Variants in ABCA9 observed in about 807,000 individuals in gnomAD.
The protein encoded by ABCA9 is ATP binding cassette subfamily A member 9, also known as ATP-binding cassette sub-family A member 9.
A neutral mutation model predicts 205.3 loss-of-function variants in ABCA9; 183 were observed. The observed-to-expected ratio is 0.89, with a 90% CI of 0.79 to 1.01. The LOEUF is 1.01. Ranked by LOEUF, ABCA9 falls within the 50% of genes least tolerant of loss-of-function variation. ABCA9 has a pLI of 0.00. For synonymous variants in ABCA9, 651 were observed against 683.3 expected (o/e 0.95, Z 0.74); for missense variants, 1,805 against 1,912.4 (o/e 0.94, Z 1.05).
At chr17:69,070,304 G>C in the ABCA9 span, among the ~76,000 whole-genome samples, 1 of 152,144 alleles carries the variant, frequency 6.6e-6, no homozygotes, top group Non-Finnish European at 1.5e-5. Flanking sequence ...TCCCGGGCAA[G>C]ATGGCCAAAA....
chr17:69,032,291 G>A lies in ABCA9; in HGVS notation c.1277-15C>T, dbSNP rs1291919767. 1.2e-6 allele frequency: 2 copies of A among 1,609,814 alleles called. No homozygotes were observed. The highest frequency in any genetic ancestry group is 2.2e-5 in the East Asian group (1 of 44,832). ...TCCATATTCAGCTATGTGAGCAGGA[G>A]GCAATTGAATACTGGGTCAGTCATC... is the stretch of plus-strand genomic sequence containing the variant. On this transcript the variant is annotated splice_polypyrimidine_tract_variant and intron_variant, in intron 9 of 38. Transcript: ENST00000340001.
At position 69,048,275 on chromosome 17, in the gene ABCA9, C is replaced by T. The variant is rs149671215; in HGVS notation, c.304+1008G>A. Among the ~76,000 whole-genome samples, 538 of 152,282 alleles carry T rather than the reference C, an allele frequency of 3.5e-3. 3 individuals carry two copies. Among genetic ancestry groups the T allele is most frequent in the African/African-American group, 0.011 (471 of 41,566 alleles). On this transcript the variant is annotated intron_variant, in intron 3 of 38. Transcript: ENST00000340001. Reference sequence around the variant, plus strand: ...ATGAGGTCAGGTGTGGAATATTCCACTTATGCATCATGTCAGGCTCAAAAG... The same window carrying T: ...ATGAGGTCAGGTGTGGAATATTCCATTTATGCATCATGTCAGGCTCAAAAG...
At chr17:69,004,492 G>C (rs1253044779) in intron 25 of ABCA9, among the ~76,000 whole-genome samples, 4 of 152,216 alleles carry the variant, frequency 2.6e-5, no homozygotes, top group Non-Finnish European at 5.9e-5. Flanking sequence ...GCTGCGTACT[G>C]GGAGAACCAC....
intron 10 of ABCA9, among the ~76,000 whole-genome samples, chr17:69,029,561 C>T (rs920934005): frequency 1.4e-4 from 21 of 152,148 alleles, no homozygotes; most frequent in Middle Eastern, 3.4e-3. Context: ...TGAGGAGATA[C>T]TATGGTGGAA....
the ABCA9 span, among the ~76,000 whole-genome samples, chr17:69,069,241 G>GAGTGATT: frequency 6.6e-6 from 1 of 152,180 alleles, no homozygotes; most frequent in African/African-American, 2.4e-5. Flanking sequence ...GAGAATCACA[G>GAGTGATT]CCAAGATCAG....
chr17:69,054,339 T>G (rs1011427097), intron 1 of ABCA9, among the ~76,000 whole-genome samples: 2 of 151,718 alleles, frequency 1.3e-5, no homozygotes, highest in Admixed American at 1.3e-4. Flanking sequence ...CTGGGCAACA[T>G]AGGGAGACCC....
chr17:69,016,125 C>CACACAT (rs1394892291), intron 22 of ABCA9, 128 bp downstream of exon 22: 2 of 64,552 alleles, frequency 3.1e-5, no homozygotes, highest in African/African-American at 6.5e-5. Flanking sequence ...TATATATATA[C>CACACAT]ACACACACAC....
Position 68,989,046 on chromosome 17 carries a change from G to C in ABCA9, c.4028C>G (p.Thr1343Arg). ...ACTGACCTGTCCTGCAGTTGGTTTT[G>C]TGTCTCCAGTTATCATCTTAATAGT... ...STTIKMITGDTKPTAGQVILK... is the reference protein window; with the variant it reads ...STTIKMITGDRKPTAGQVILK... The change falls in exon 31 of 39, where the codon ACA (threonine) becomes AGA (arginine). Residue 1343 changes from threonine to arginine, a missense_variant. By Grantham distance (71) the Thr-to-Arg change is moderately conservative. Transcript: ENST00000340001. 1 of 1,612,232 alleles carries C rather than the reference G, an allele frequency of 6.2e-7. No homozygotes were observed.
chr17:69,055,321 C>T (rs1448213555), intron 1 of ABCA9, among the ~76,000 whole-genome samples: 1 of 152,080 alleles, frequency 6.6e-6, no homozygotes, highest in African/African-American at 2.4e-5. Context: ...ATGGACCATG[C>T]TAACAATAAT....
chr17:69,072,768 C>T, the ABCA9 span, among the ~76,000 whole-genome samples: 1 of 152,070 alleles, frequency 6.6e-6, no homozygotes, highest in Non-Finnish European at 1.5e-5. Context: ...TAAATGTAAA[C>T]AGGCTAAATG....
intron 1 of ABCA9, among the ~76,000 whole-genome samples, chr17:69,054,443 A>T (rs1031039469): frequency 1.3e-5 from 2 of 151,442 alleles, no homozygotes; most frequent in African/African-American, 2.4e-5. Flanking sequence ...AGAAAGGATC[A>T]CTTGGGCCTG....
chr17:69,057,236 C>T (rs1187909088), intron 1 of ABCA9, among the ~76,000 whole-genome samples: 4 of 152,150 alleles, frequency 2.6e-5, no homozygotes, highest in African/African-American at 7.2e-5. Context: ...ATAAAATTGT[C>T]CTTGAAGGTA....
intron 6 of ABCA9, among the ~76,000 whole-genome samples, chr17:69,038,469 CAT>C (rs2071419100): frequency 6.6e-6 from 1 of 152,120 alleles, no homozygotes; most frequent in African/African-American, 2.4e-5. Flanking sequence ...ACAAAAACCA[CAT>C]GATTATCTCA....
At chr17:68,979,992 C>G (rs1228120332) in intron 37 of ABCA9, among the ~76,000 whole-genome samples, 1 of 152,132 alleles carries the variant, frequency 6.6e-6, no homozygotes, top group Non-Finnish European at 1.5e-5. Flanking sequence ...TCAGAGTGAA[C>G]AGGCAACCTA....
At chr17:69,028,175 AT>A (rs1289685183) in intron 12 of ABCA9, among the ~76,000 whole-genome samples, 3 of 151,512 alleles carry the variant, frequency 2.0e-5, no homozygotes, top group South Asian at 2.1e-4. Flanking sequence ...CAATTACATA[AT>A]TTTTTTTTGG....
intron 5 of ABCA9, 139 bp downstream of exon 5, chr17:69,044,358 T>C: frequency 1.4e-6 from 1 of 703,278 alleles, no homozygotes; most frequent in Non-Finnish European, 2.3e-6. Flanking sequence ...CTTAGTACAA[T>C]GGTTTTATTA....
intron 37 of ABCA9, among the ~76,000 whole-genome samples, chr17:68,981,547 G>T (rs1209331386): frequency 6.6e-6 from 1 of 152,094 alleles, no homozygotes; most frequent in Non-Finnish European, 1.5e-5. Flanking sequence ...AGACCACAGG[G>T]TGAGGTTGAC....
chr17:69,027,197 G>T, intron 14 of ABCA9, 83 bp from the exon 15 acceptor site: 3 of 1,575,952 alleles, frequency 1.9e-6, no homozygotes, highest in Non-Finnish European at 2.6e-6. Flanking sequence ...AAAAGTATTT[G>T]GGAGAAACTT....
chr17:68,976,471 T>C (rs562062545), intron 37 of ABCA9, among the ~76,000 whole-genome samples: 110 of 152,278 alleles, frequency 7.2e-4, no homozygotes, highest in Non-Finnish European at 1.2e-3. Context: ...GTACCCTCTG[T>C]GCTAGACGAT....
Sources: allele counts gnomAD v4.1 joint callset (sites outside exome capture counted in the v4.1 genomes callset), GRCh38; gene constraint gnomAD v4.1.1; transcripts MANE v1.5; gene names NCBI Gene and HGNC (gene_info 2026-07-23, HGNC 2026-07-21).